The following PCDHGB7 variants were observed in gnomAD, a reference collection of about 807,000 sequenced individuals.
PCDHGB7 encodes protocadherin gamma-B7.
Under a neutral mutation model 61.4 loss-of-function variants are expected in PCDHGB7, and 37 were observed. The ratio of observed to expected loss-of-function variants is 0.60; its 90% CI spans 0.46 to 0.79. The LOEUF (loss-of-function observed/expected upper bound fraction) is 0.79. PCDHGB7 is among the 30% of genes least tolerant of loss of function. The pLI, the probability that PCDHGB7 is intolerant of heterozygous loss-of-function variation, is 0.00. For synonymous variants in PCDHGB7, 464 were observed against 503.5 expected (o/e 0.92, Z 1.05); for missense variants, 1,166 against 1,202.5 (o/e 0.97, Z 0.45).
intron 1 of PCDHGB7, among the ~76,000 whole-genome samples, chr5:141,443,609 T>C (rs2098396115): frequency 1.3e-5 from 2 of 152,260 alleles, no homozygotes; most frequent in African/African-American, 4.8e-5. Flanking sequence ...GAAATGTTCT[T>C]ATAATCAGGT....
rs2096242953 is a variant in PCDHGB7, at chr5:141,418,265, G to A, written c.406G>A (p.Asp136Asn). 6.2e-7 allele frequency: 1 copy of A among 1,614,062 alleles called. No individual in the cohort carries two copies. Among genetic ancestry groups the A allele is most frequent in the East Asian group, 2.2e-5 (1 of 44,892 alleles). Residue 136 changes from aspartate (D) to asparagine (N), a missense_variant, in exon 1 of 4, where the codon GAT (aspartate) becomes AAT (asparagine). Transcript: ENST00000398594. ...TGACCACGCCCCTCAATTCCGGAAA[G>A]ATGAAATAAACTTAGAAATCAGTGA... is the stretch of plus-strand genomic sequence containing the variant. ...VNDHAPQFRK[D>N]EINLEISESV...
rs1201654822 is a variant in PCDHGB7, at chr5:141,476,876, C to T, written c.2416-17931C>T. ...CCAGTCCTTGTACCGGGCGCGCGTC[C>T]TGGAGGATGCACCCTCCGGCACGCG... On this transcript the variant is annotated intron_variant, in intron 1 of 3. Transcript: ENST00000398594. The surrounding 1 kb of genome is among the most constrained non-coding windows in gnomAD (Gnocchi z 7.6). 6.2e-7 allele frequency: 1 copy of T among 1,613,876 alleles called. No homozygotes were observed. The highest frequency in any genetic ancestry group is 1.7e-5 in the Admixed American group (1 of 60,018).
chr5:141,420,488 A>C, intron 1 of PCDHGB7: 1 of 534,916 alleles, frequency 1.9e-6, no homozygotes, highest in East Asian at 3.8e-5. Context: ...CTACATGGGT[A>C]ATCTCCGGTG....
chr5:141,466,496 GCA>G (rs2099123596), intron 1 of PCDHGB7, among the ~76,000 whole-genome samples: 1 of 152,120 alleles, frequency 6.6e-6, no homozygotes. Context: ...TTTAATTAGA[GCA>G]CAGACAAGAT....
intron 1 of PCDHGB7, among the ~76,000 whole-genome samples, chr5:141,456,690 C>T (rs893478646): frequency 7.2e-5 from 11 of 152,218 alleles, no homozygotes; most frequent in Admixed American, 5.2e-4. Flanking sequence ...ACTGGCCAGG[C>T]GTGGTGGCTC....
Position 141,491,208 on chromosome 5 carries a change from C to A in PCDHGB7, c.2416-3599C>A. ...TGAGGGACAATGGTGACCCTTCACT[C>A]TCCTCCACAGCCACAGTGCTGCTGG... On this transcript the variant is annotated intron_variant, in intron 1 of 3. Coordinates refer to ENST00000398594, the MANE Select transcript of PCDHGB7 (RefSeq NM_018927.4). The surrounding 1 kb of genome is among the most constrained non-coding windows in gnomAD (Gnocchi z 6.9). The A allele has an allele frequency of 6.2e-7, 1 of 1,614,204 alleles. No homozygotes were observed. Among genetic ancestry groups the A allele is most frequent in the African/African-American group, 1.3e-5 (1 of 75,058 alleles).
At chr5:141,481,592 C>T (rs765060653) in intron 1 of PCDHGB7, among the ~76,000 whole-genome samples, 2 of 152,112 alleles carry the variant, frequency 1.3e-5, no homozygotes, top group East Asian at 1.9e-4. Context: ...CTGAGGCCAG[C>T]GGATCACCTG....
Position 141,476,021 on chromosome 5 carries a change from C to T in PCDHGB7, c.2416-18786C>T. The T allele has an allele frequency of 7.1e-7, 1 of 1,400,498 alleles. No individual in the cohort carries two copies. The highest frequency in any genetic ancestry group is 1.4e-5 in the South Asian group (1 of 71,458). 86.8% of individuals were successfully genotyped at this position (1,400,498 alleles called of 1,614,324 possible). A position where few individuals can be genotyped will look rare whatever the true frequency, so the allele number is the denominator to read the frequency against. ...GGCATCCAGAAAGCCATGTCGGACT[C>T]GGCGCCCAGCGCCCAAGCGCTAACC... On this transcript the variant is annotated intron_variant, in intron 1 of 3. Coordinates refer to ENST00000398594, the MANE Select transcript of PCDHGB7 (RefSeq NM_018927.4). This position sits in a 1 kb window ranked among gnomAD's most constrained non-coding sequence, Gnocchi z 7.6.
intron 1 of PCDHGB7, chr5:141,479,217 A>G (rs1433108919): frequency 1.3e-5 from 2 of 152,400 alleles, no homozygotes; most frequent in Non-Finnish European, 2.9e-5. Context: ...TTAAAAAATT[A>G]AAACTATAAT....
At chr5:141,425,069 A>C (rs771114613) in intron 1 of PCDHGB7, among the ~76,000 whole-genome samples, 30 of 152,170 alleles carry the variant, frequency 2.0e-4, no homozygotes, top group Non-Finnish European at 4.1e-4. Context: ...GACAAAAATA[A>C]TTTCAACTGT....
rs771398829 is a variant in PCDHGB7, at chr5:141,421,251, G to A, written c.2415+977G>A. ...CCATGGCGAATCGGCTACAGCGCGG[G>A]GACCGCAGTCGGCTGCTGCTGCTGC... On this transcript the variant is annotated intron_variant, in intron 1 of 3. Transcript: ENST00000398594. 17 of 1,606,770 alleles carry A rather than the reference G, an allele frequency of 1.1e-5. No homozygotes were observed. The East Asian group carries it at 3.1e-4, about 30-fold the overall frequency.
chr5:141,512,395 C>T lies in PCDHGB7; in HGVS notation c.*1222C>T, dbSNP rs1229077213. ...ACCAAATGAACAGAAAGTCTCAGCCCAGGATGGGGCTTCTTCAACAGGGCC... is the reference window on the plus strand; with the variant it reads ...ACCAAATGAACAGAAAGTCTCAGCCTAGGATGGGGCTTCTTCAACAGGGCC... On this transcript the variant is annotated 3_prime_UTR_variant, in exon 4 of 4. Coordinates refer to ENST00000398594, the MANE Select transcript of PCDHGB7 (RefSeq NM_018927.4). 1 of 152,690 alleles carries T rather than the reference C, an allele frequency of 6.5e-6. No individual in the cohort carries two copies. Among genetic ancestry groups the T allele is most frequent in the Non-Finnish European group, 1.5e-5 (1 of 68,072 alleles). The allele number at this position is 152,690 out of a possible 1,614,324, so 9.5% of individuals were successfully genotyped here.
intron 1 of PCDHGB7, chr5:141,478,670 C>G: frequency 6.4e-7 from 1 of 1,551,664 alleles, no homozygotes; most frequent in East Asian, 2.4e-5. Flanking sequence ...TTCACACTTT[C>G]AACTGGCCCT....
At chr5:141,442,737 G>A (rs1376026431) in intron 1 of PCDHGB7, among the ~76,000 whole-genome samples, 1 of 152,152 alleles carries the variant, frequency 6.6e-6, no homozygotes, top group Non-Finnish European at 1.5e-5. Flanking sequence ...CTGTAGGTAA[G>A]GAGCATGTTT....
At chr5:141,438,053 C>T (rs1023159995) in intron 1 of PCDHGB7, among the ~76,000 whole-genome samples, 2 of 152,112 alleles carry the variant, frequency 1.3e-5, no homozygotes, top group African/African-American at 4.8e-5. Context: ...TTTGAGTTCA[C>T]TTTTAAGAAA....
At chr5:141,423,497 A>G in intron 1 of PCDHGB7, 4 of 1,613,940 alleles carry the variant, frequency 2.5e-6, no homozygotes, top group Non-Finnish European at 3.4e-6. Flanking sequence ...TATTCCCACG[A>G]GGTCTCTCTC....
At chr5:141,452,792 A>AT (rs745523252) in intron 1 of PCDHGB7, among the ~76,000 whole-genome samples, 15 of 152,178 alleles carry the variant, frequency 9.9e-5, no homozygotes, top group Admixed American at 2.0e-4. Context: ...ACATACCATC[A>AT]TTTTTGCTGT....
chr5:141,438,623 TATATATATATATACAC>T (rs1207200307), intron 1 of PCDHGB7, among the ~76,000 whole-genome samples: 21 of 42,842 alleles, frequency 4.9e-4, no homozygotes, highest in South Asian at 2.6e-3. Flanking sequence ...TATATATATA[TATATATATATATACAC>T]ACACACACAC....
intron 1 of PCDHGB7, among the ~76,000 whole-genome samples, chr5:141,481,676 G>A (rs975849679): frequency 3.3e-5 from 5 of 152,028 alleles, no homozygotes; most frequent in Admixed American, 1.3e-4. Flanking sequence ...AAATCAGGCC[G>A]GGCCTGGTGG....
Sources: allele counts gnomAD v4.1 joint callset (sites outside exome capture counted in the v4.1 genomes callset), GRCh38; gene constraint gnomAD v4.1.1; non-coding constraint Gnocchi (gnomAD v3.1); transcripts MANE v1.5; gene names NCBI Gene and HGNC (gene_info 2026-07-23, HGNC 2026-07-21).